LCORL: variants seen among roughly 807,000 people sequenced by gnomAD.
The protein encoded by LCORL is ligand dependent nuclear receptor corepressor like, also known as ligand-dependent nuclear receptor corepressor-like protein.
A neutral mutation model predicts 141.8 loss-of-function variants in LCORL; 41 were observed. The ratio of observed to expected loss-of-function variants is 0.29; its 90% CI spans 0.23 to 0.38. LCORL has a LOEUF of 0.38. Among genes scored for constraint, LCORL ranks in the 10% least tolerant of loss-of-function variants. The pLI is 1.00. For synonymous variants in LCORL, 618 were observed against 694.1 expected (o/e 0.89, Z 1.72); for missense variants, 1,759 against 2,035.0 (o/e 0.86, Z 2.61).
intron 4 of LCORL, among the ~76,000 whole-genome samples, chr4:17,915,079 C>G (rs2109349406): frequency 6.6e-6 from 1 of 152,130 alleles, no homozygotes; most frequent in Non-Finnish European, 1.5e-5. Context: ...TTCTCCCCTC[C>G]TTTTATTTTC....
In LCORL at chr4:17,866,454, G is replaced by C. The variant is rs952301241; in HGVS notation, c.5602+6934C>G. On this transcript the variant is annotated intron_variant, in intron 7 of 7. Transcript: ENST00000635767. Reference sequence around the variant, plus strand: ...CTATTTTGCATGTGTCTAACATACTGCCTAGCACGCAGAAGACAAACACTT... The same window carrying C: ...CTATTTTGCATGTGTCTAACATACTCCCTAGCACGCAGAAGACAAACACTT... Among the ~76,000 whole-genome samples the C allele has an allele frequency of 7.4e-4, 112 of 152,128 alleles. 1 individual carries two copies. Among genetic ancestry groups the C allele is most frequent in the Admixed American group, 7.3e-3 (112 of 15,270 alleles).
At chr4:17,875,482 T>C (rs1726820898) in exon 7 of LCORL, 1 of 1,231,422 alleles carries the variant, frequency 8.1e-7, no homozygotes, top group South Asian at 4.1e-5. Context: ...GCATTATTGT[T>C]TAAAGACATA....
chr4:17,962,095 TA>T (rs575778939), intron 3 of LCORL, 63 bp from the exon 4 acceptor site: 34 of 1,230,800 alleles, frequency 2.8e-5, no homozygotes, highest in Admixed American at 6.6e-5. Flanking sequence ...GGAATTCCAT[TA>T]AAAATGACAA....
At chr4:18,001,389 C>T (rs1158205131) in intron 1 of LCORL, among the ~76,000 whole-genome samples, 6 of 152,114 alleles carry the variant, frequency 3.9e-5, no homozygotes, top group African/African-American at 2.4e-5. Context: ...GAATGAAAAA[C>T]GGAAAGGCTA....
chr4:17,859,152 C>A (rs1724701889), intron 7 of LCORL, among the ~76,000 whole-genome samples: 1 of 152,146 alleles, frequency 6.6e-6, no homozygotes. Context: ...CCGTAAGTTA[C>A]ATGAGATAGT....
exon 7 of LCORL, chr4:17,876,034 A>T: frequency 8.1e-7 from 1 of 1,231,116 alleles, no homozygotes; most frequent in South Asian, 4.1e-5. Context: ...ACAACATTTG[A>T]ATGGGAAGTG....
intron 1 of LCORL, among the ~76,000 whole-genome samples, chr4:17,978,814 T>C (rs1717458462): frequency 1.3e-5 from 2 of 152,204 alleles, no homozygotes; most frequent in Admixed American, 1.3e-4. Context: ...TTTCTTGAGC[T>C]CTTTCTCTCT....
Position 17,874,603 on chromosome 4 carries a change from GAATAC to G in LCORL, c.4382_4386del (p.Cys1461SerfsTer2). The G allele has an allele frequency of 8.1e-7, 1 of 1,233,574 alleles. No individual in the cohort carries two copies. The highest frequency in any genetic ancestry group is 1.6e-5 in the African/African-American group (1 of 64,478). The allele number at this position is 1,233,574 out of a possible 1,614,324, so 76.4% of individuals were successfully genotyped here. On this transcript the variant is annotated frameshift_variant, in exon 7 of 8. Coordinates refer to ENST00000635767, the Ensembl canonical transcript of LCORL. LOFTEE classifies it high-confidence loss of function. ...TTTTCAATGTGTTCTCTTTTTTTAT[GAATAC>G]AATTTTCAGCTTCATCTCCACTTAC...
At chr4:17,904,953 C>T (rs1731387549) in intron 5 of LCORL, among the ~76,000 whole-genome samples, 2 of 152,116 alleles carry the variant, frequency 1.3e-5, no homozygotes, top group South Asian at 4.1e-4. Flanking sequence ...TCAGTCCTCA[C>T]ATTCATTTAA....
chr4:17,881,241 T>C, intron 6 of LCORL: 1 of 983,362 alleles, frequency 1.0e-6, no homozygotes, highest in Non-Finnish European at 1.2e-6. Flanking sequence ...TCATTAAGTC[T>C]GCTGAAACGG....
At chr4:17,961,922 A>C in exon 4 of LCORL, 2 of 1,610,376 alleles carry the variant, frequency 1.2e-6, no homozygotes, top group East Asian at 2.2e-5. Context: ...GAAAGAGTGC[A>C]TTTAGGTAAT....
intron 7 of LCORL, among the ~76,000 whole-genome samples, chr4:17,860,749 A>C (rs757713831): frequency 3.9e-5 from 6 of 152,218 alleles, no homozygotes; most frequent in Non-Finnish European, 7.3e-5. Flanking sequence ...GTTACTTCCT[A>C]GATACAATGA....
chr4:17,923,001 C>T (rs1734542066), intron 4 of LCORL, among the ~76,000 whole-genome samples: 2 of 152,154 alleles, frequency 1.3e-5, no homozygotes, highest in African/African-American at 2.4e-5. Context: ...AAGACAGTGA[C>T]GATTCTCCTC....
intron 4 of LCORL, among the ~76,000 whole-genome samples, chr4:17,925,326 T>C (rs796734993): frequency 2.0e-5 from 3 of 152,300 alleles, no homozygotes; most frequent in African/African-American, 7.2e-5. Flanking sequence ...AGTATTACCA[T>C]GCCCTGTGAT....
chr4:17,901,856 C>CA (rs922342197), intron 5 of LCORL, among the ~76,000 whole-genome samples: 1 of 151,894 alleles, frequency 6.6e-6, no homozygotes, highest in African/African-American at 2.4e-5. Flanking sequence ...ACAAATGCTA[C>CA]AAAACAATAT....
At chr4:17,871,381 A>G (rs987681691) in intron 7 of LCORL, among the ~76,000 whole-genome samples, 9 of 151,984 alleles carry the variant, frequency 5.9e-5, no homozygotes, top group African/African-American at 1.9e-4. Context: ...GATACTAAAA[A>G]TTTTAAAACT....
intron 7 of LCORL, among the ~76,000 whole-genome samples, chr4:17,848,289 C>T (rs1448071989): frequency 6.6e-6 from 1 of 152,174 alleles, no homozygotes; most frequent in African/African-American, 2.4e-5. Flanking sequence ...TCTTAGAATA[C>T]AGCTATCTTA....
At chr4:17,886,128 G>C (rs1411638013) in exon 6 of LCORL, 2 of 1,605,646 alleles carry the variant, frequency 1.2e-6, no homozygotes, top group Non-Finnish European at 1.7e-6. Context: ...TTTTATGCTG[G>C]TTTTCTTTGT....
chr4:17,867,958 A>C (rs1194688954), intron 7 of LCORL, among the ~76,000 whole-genome samples: 2 of 152,164 alleles, frequency 1.3e-5, no homozygotes, highest in African/African-American at 4.8e-5. Context: ...CAGGGGAAAA[A>C]CTCAAATATA....
Sources: gnomAD v4.1 joint callset for allele counts (sites outside exome capture counted in the v4.1 genomes callset) on GRCh38, gnomAD v4.1.1 for gene constraint, MANE v1.5 for transcripts, NCBI Gene and HGNC (gene_info 2026-07-23, HGNC 2026-07-21) for gene names.